Variants in FBXO21 observed in about 807,000 individuals in gnomAD.
The protein encoded by FBXO21 is F-box protein 21.
A neutral mutation model predicts 76.6 loss-of-function variants in FBXO21; 32 were observed. The observed-to-expected ratio is 0.42, with a 90% confidence interval of 0.32 to 0.56. The LOEUF (loss-of-function observed/expected upper bound fraction) is 0.56. Ranked by LOEUF, FBXO21 falls within the 20% of genes least tolerant of loss-of-function variation. The pLI is 0.16. For missense variants in FBXO21, 586 were observed against 797.3 expected (o/e 0.73, Z 3.19); for synonymous variants, 328 against 311.5 (o/e 1.05, Z -0.56).
chr12:117,184,528 C>A (rs1956264548), intron 3 of FBXO21, among the ~76,000 whole-genome samples: 2 of 152,150 alleles, frequency 1.3e-5, no homozygotes, highest in Admixed American at 1.3e-4. Flanking sequence ...CCGAGACCAG[C>A]AGATCACGTG....
intron 10 of FBXO21, 131 bp from the exon 11 acceptor site, chr12:117,156,079 C>T: frequency 1.4e-6 from 1 of 731,534 alleles, no homozygotes; most frequent in South Asian, 1.8e-5. Context: ...TTCAGGACAC[C>T]CCTAACCCCT....
Position 117,168,585 on chromosome 12 carries a change from T to C in FBXO21, c.1014-1508A>G, listed in dbSNP as rs141418095. Among the ~76,000 whole-genome samples, 65 of 152,128 alleles carry C rather than the reference T, an allele frequency of 4.3e-4. 1 individual carries two copies. The East Asian group carries it at 0.012, about 27-fold the overall frequency. ...AGGAAAGTACAAAAAAAAATAAGAA[T>C]TACATAAATGTTCTAGAAACAAGGC... On this transcript the variant is annotated intron_variant, in intron 7 of 11. Coordinates refer to ENST00000622495, the MANE Select transcript of FBXO21 (RefSeq NM_015002.3).
chr12:117,186,679 AAC>A, intron 2 of FBXO21, 108 bp from the exon 3 acceptor site: 2 of 674,956 alleles, frequency 3.0e-6, no homozygotes, highest in Non-Finnish European at 5.2e-6. Flanking sequence ...AGACAGTGCT[AAC>A]AGTTATTCTA....
In FBXO21 at chr12:117,155,780, C is replaced by CCGCCGCTTA. The variant is rs767827025; in HGVS notation, c.1675+2_1675+10dup. The CCGCCGCTTA allele has an allele frequency of 6.2e-7, 1 of 1,609,442 alleles. No individual in the cohort carries two copies. Among genetic ancestry groups the CCGCCGCTTA allele is most frequent in the African/African-American group, 1.3e-5 (1 of 74,904 alleles). Reference sequence around the variant, plus strand: ...GCGGGGCCACTGGCACAAGCGGAACCCGCCGCTTACCTTGGGCTGCGTATC... The same window carrying CCGCCGCTTA: ...GCGGGGCCACTGGCACAAGCGGAACCCGCCGCTTACGCCGCTTACCTTGGGCTGCGTATC... On this transcript the variant is annotated intron_variant, in intron 11 of 11. Transcript: ENST00000622495.
chr12:117,146,615 GACA>G (rs1475308299), intron 11 of FBXO21, among the ~76,000 whole-genome samples: 1 of 152,196 alleles, frequency 6.6e-6, no homozygotes, highest in Non-Finnish European at 1.5e-5. Flanking sequence ...TGGACAATGG[GACA>G]ACATTATCCC....
rs1955731422 is a variant in FBXO21, at chr12:117,142,957, AC to A, written c.*3129del. The A allele has an allele frequency of 6.6e-6, 1 of 152,224 alleles. No individual in the cohort carries two copies. Among genetic ancestry groups the A allele is most frequent in the African/African-American group, 2.4e-5 (1 of 41,462 alleles). 9.4% of individuals were successfully genotyped at this position (152,224 alleles called of 1,614,324 possible). A position where few individuals can be genotyped will look rare whatever the true frequency, so the allele number is the denominator to read the frequency against. ...AATGGAAAACTGAGCCGGCAACAGT[AC>A]TTAATGCTGGTTTTCTCAATAAAAT... On this transcript the variant is annotated 3_prime_UTR_variant, in exon 12 of 12. Transcript: ENST00000622495.
chr12:117,156,027 T>C, intron 10 of FBXO21, 79 bp from the exon 11 acceptor site: 1 of 1,374,778 alleles, frequency 7.3e-7, no homozygotes, highest in Non-Finnish European at 1.0e-6. Flanking sequence ...GCTTCTCAGC[T>C]CACATCCTCA....
intron 2 of FBXO21, among the ~76,000 whole-genome samples, chr12:117,188,599 G>C (rs1001702896): frequency 1.5e-5 from 2 of 137,096 alleles, no homozygotes; most frequent in Non-Finnish European, 3.2e-5. Context: ...AAGAAAAAAA[G>C]AAAACAAAAC....
chr12:117,173,739 CACA>C (rs1199148796), intron 6 of FBXO21, among the ~76,000 whole-genome samples: 3 of 152,134 alleles, frequency 2.0e-5, no homozygotes, highest in African/African-American at 7.2e-5. Context: ...AGATAAACTC[CACA>C]ACAATATCCT....
chr12:117,155,586 A>G (rs4767507), intron 11 of FBXO21: 255,080 of 616,494 alleles, frequency 0.41, 55,964 homozygotes, highest in Admixed American at 0.58. Flanking sequence ...GAGGGCGGGT[A>G]TGACTACTGA....
At chr12:117,174,074 T>C (rs1304851789) in intron 6 of FBXO21, 131 bp downstream of exon 6, 13 of 718,494 alleles carry the variant, frequency 1.8e-5, no homozygotes, top group African/African-American at 5.3e-5. Flanking sequence ...GAGTTTGAGG[T>C]TGCGGTAAGC....
chr12:117,162,852 G>A (rs1955998940), intron 9 of FBXO21, among the ~76,000 whole-genome samples: 1 of 152,148 alleles, frequency 6.6e-6, no homozygotes, highest in Non-Finnish European at 1.5e-5. Flanking sequence ...TCCCACCCCT[G>A]GACCACGTGC....
chr12:117,159,783 C>T (rs1955957207), intron 9 of FBXO21, among the ~76,000 whole-genome samples: 1 of 152,188 alleles, frequency 6.6e-6, no homozygotes, highest in African/African-American at 2.4e-5. Context: ...TCTCTCCTAG[C>T]AGCCACCTCC....
Position 117,190,411 on chromosome 12 carries a change from G to A in FBXO21, c.46C>T (p.Leu16=). 6.7e-7 allele frequency: 1 copy of A among 1,486,648 alleles called. No homozygotes were observed. The highest frequency in any genetic ancestry group is 2.9e-5 in the East Asian group (1 of 34,744). 92.1% of individuals were successfully genotyped at this position (1,486,648 alleles called of 1,614,324 possible). Residue 16 remains leucine (L), a synonymous_variant, in exon 1 of 12, where the codon CTG becomes TTG. Transcript: ENST00000622495. ...VDSAMEVVPA[L]AEEAAPEVAG... is the part of the protein sequence containing the mutation. Reference sequence around the variant, plus strand: ...ACCTCCGGCGCGGCCTCCTCCGCCAGCGCCGGCACCACCTCCATCGCGCTG... The same window carrying A: ...ACCTCCGGCGCGGCCTCCTCCGCCAACGCCGGCACCACCTCCATCGCGCTG...
rs371171435 is a variant in FBXO21 at position 117,172,478 on chromosome 12, C to A, written c.1006G>T (p.Ala336Ser). Reference protein sequence around the residue: ...SHFLLRWCQGAEGATLDIFDY... With the variant: ...SHFLLRWCQGSEGATLDIFDY... Reference sequence around the variant, plus strand: ...TGTGTCACGGATGCTCACCCTTCTGCGCCTTGGCACCACCTTAATAAGAAG... The same window carrying A: ...TGTGTCACGGATGCTCACCCTTCTGAGCCTTGGCACCACCTTAATAAGAAG... Residue 336 changes from alanine (A) to serine (S), a missense_variant, in exon 7 of 12, where the codon GCA (alanine) becomes TCA (serine). This residue lies in a region of FBXO21 where 246 missense variants were observed against 356.8 expected (regional missense o/e 0.69). Transcript: ENST00000622495. 6.8e-6 allele frequency: 11 copies of A among 1,613,142 alleles called. No individual in the cohort carries two copies. Among genetic ancestry groups the A allele is most frequent in the Non-Finnish European group, 9.3e-6 (11 of 1,179,574 alleles).
chr12:117,172,828 TA>T (rs1216222332), intron 6 of FBXO21, among the ~76,000 whole-genome samples: 2 of 152,200 alleles, frequency 1.3e-5, no homozygotes, highest in East Asian at 3.8e-4. Flanking sequence ...GAAGAAGTTT[TA>T]TGTTTTTTAA....
intron 7 of FBXO21, among the ~76,000 whole-genome samples, chr12:117,170,145 GAAAAAAA>G (rs58416861): frequency 7.7e-5 from 5 of 64,698 alleles, no homozygotes; most frequent in Non-Finnish European, 1.5e-4. Context: ...ATTTACAACT[GAAAAAAA>G]AAAAAAAAAA....
chr12:117,183,939 CCT>C (rs1355774990), intron 3 of FBXO21, among the ~76,000 whole-genome samples: 2 of 151,972 alleles, frequency 1.3e-5, no homozygotes, highest in Admixed American at 6.6e-5. Context: ...CCATTTTTTC[CCT>C]CTGAGTTTAA....
chr12:117,179,853 T>C (rs142002734), intron 3 of FBXO21, among the ~76,000 whole-genome samples: 2 of 152,344 alleles, frequency 1.3e-5, no homozygotes, highest in Non-Finnish European at 2.9e-5. Flanking sequence ...TGATCCCCCA[T>C]GATACAGTAC....
Sources: allele counts gnomAD v4.1 joint callset (sites outside exome capture counted in the v4.1 genomes callset), GRCh38; gene constraint gnomAD v4.1.1; regional missense constraint gnomAD v4.1.1; transcripts MANE v1.5; gene names NCBI Gene and HGNC (gene_info 2026-07-23, HGNC 2026-07-21).